IBSP: variants seen among roughly 807,000 people sequenced by gnomAD.
The protein encoded by IBSP is integrin-binding sialoprotein.
Under a neutral mutation model 25.5 loss-of-function variants are expected in IBSP, and 19 were observed. The observed-to-expected ratio is 0.74, with a 90% CI of 0.52 to 1.09. The LOEUF is 1.09. IBSP is among the 50% of genes least tolerant of loss of function. The probability of loss-of-function intolerance (pLI) is 0.00; values close to 1 mark genes in which losing one functional copy is unlikely to be tolerated. For synonymous variants in IBSP, 144 were observed against 137.6 expected, an observed-to-expected ratio of 1.05 and a Z score of -0.33; for missense variants, 360 against 382.3, an observed-to-expected ratio of 0.94 and a Z score of 0.49.
intron 1 of IBSP, among the ~76,000 whole-genome samples, chr4:87,801,481 T>TACACAC (rs34524230): frequency 7.6e-5 from 10 of 132,356 alleles, no homozygotes; most frequent in South Asian, 5.4e-4. Flanking sequence ...CACCCACCCA[T>TACACAC]ACACACACAC....
rs1722187672 is a variant in IBSP at position 87,812,085 on chromosome 4, T to A, written c.*175T>A. ...AAGTAATAGGCTTCTTGTCCCTTTT[T>A]TTTCTGGCATGTTATGGAATGATCA... On this transcript the variant is annotated 3_prime_UTR_variant, in exon 7 of 7. Coordinates refer to ENST00000226284, the MANE Select transcript of IBSP (RefSeq NM_004967.4). 1 of 506,268 alleles carries A rather than the reference T, an allele frequency of 2.0e-6. No individual in the cohort carries two copies. The highest frequency in any genetic ancestry group is 2.0e-5 in the African/African-American group (1 of 50,486). The allele number at this position is 506,268 out of a possible 1,614,324, so 31.4% of individuals were successfully genotyped here. A position where few individuals can be genotyped will look rare whatever the true frequency, so the allele number is the denominator to read the frequency against.
chr4:87,805,467 C>T (rs1411946856), intron 4 of IBSP, among the ~76,000 whole-genome samples: 1 of 152,022 alleles, frequency 6.6e-6, no homozygotes, highest in African/African-American at 2.4e-5. Context: ...TATAAATTAA[C>T]CTCATTTTAG....
chr4:87,800,611 T>C, intron 1 of IBSP, among the ~76,000 whole-genome samples: 1 of 152,106 alleles, frequency 6.6e-6, no homozygotes, highest in East Asian at 1.9e-4. Context: ...GCCTGTTTAT[T>C]CCCAAGGGGC....
Position 87,802,663 on chromosome 4 carries a change from T to C in IBSP, c.115T>C (p.Tyr39His). The part of the protein sequence containing the change: ...EDSEENGVFK[Y>H]RPRYYLYKHA... ...TATTTTGTTTTTGCAGGTCTTTAAG[T>C]ACAGGCCACGATATTATCTTTACAA... Residue 39 changes from tyrosine to histidine, a missense_variant, in exon 4 of 7, where the codon TAC becomes CAC. Physicochemically the swap from Tyr to His is moderately conservative, Grantham distance 83. Coordinates refer to ENST00000226284, the MANE Select transcript of IBSP (RefSeq NM_004967.4). 6.3e-7 allele frequency: 1 copy of C among 1,575,716 alleles called. No individual in the cohort carries two copies. Among genetic ancestry groups the C allele is most frequent in the South Asian group, 1.2e-5 (1 of 83,190 alleles).
At chr4:87,806,230 A>G (rs1306962036) in intron 5 of IBSP, 46 bp downstream of exon 5, 1 of 1,458,878 alleles carries the variant, frequency 6.9e-7, no homozygotes, top group Admixed American at 1.7e-5. Context: ...ACAGCACAAG[A>G]AACAAATAGG....
intron 1 of IBSP, among the ~76,000 whole-genome samples, chr4:87,801,638 G>C (rs982484814): frequency 6.6e-6 from 1 of 151,930 alleles, no homozygotes; most frequent in Non-Finnish European, 1.5e-5. Context: ...CCGCCTATAG[G>C]GTATCAGTGA....
chr4:87,805,933 TCTC>T (rs561509656), intron 4 of IBSP, among the ~76,000 whole-genome samples, 186 bp from the exon 5 acceptor site: 8 of 152,340 alleles, frequency 5.3e-5, no homozygotes, highest in African/African-American at 1.4e-4. Flanking sequence ...GCATGTCTAA[TCTC>T]CTATCTTTCT....
rs1721983654 is a variant in IBSP at position 87,799,648 on chromosome 4, A to T, written c.-15+15A>T. 1 of 152,198 alleles carries T rather than the reference A, an allele frequency of 6.6e-6. No homozygotes were observed. Among genetic ancestry groups the T allele is most frequent in the Admixed American group, 6.5e-5 (1 of 15,272 alleles). The allele number at this position is 152,198 out of a possible 1,614,324, so 9.4% of individuals were successfully genotyped here. A position where few individuals can be genotyped will look rare whatever the true frequency, so the allele number is the denominator to read the frequency against. On this transcript the variant is annotated intron_variant, in intron 1 of 6. Transcript: ENST00000226284. ...ACTGCCAGAGGGTAAGATTTAATAG[A>T]ACAACTTCATTATCATAAAATTAGA...
At chr4:87,801,084 C>T (rs1172425183) in intron 1 of IBSP, among the ~76,000 whole-genome samples, 2 of 152,060 alleles carry the variant, frequency 1.3e-5, no homozygotes, top group African/African-American at 4.8e-5. Context: ...ATTTCACTAT[C>T]TCCTTTTACT....
chr4:87,811,643 C>G lies in IBSP; in HGVS notation c.687C>G (p.Thr229=). ...RQGKGTSKTT[T]SPNGGFEPTT... Reference sequence around the variant, plus strand: ...GCAAGGGCACCTCGAAGACAACAACCTCTCCAAATGGTGGGTTTGAACCTA... The same window carrying G: ...GCAAGGGCACCTCGAAGACAACAACGTCTCCAAATGGTGGGTTTGAACCTA... Residue 229 remains threonine (T), a synonymous_variant, in exon 7 of 7, where the codon ACC becomes ACG. Coordinates refer to ENST00000226284, the MANE Select transcript of IBSP (RefSeq NM_004967.4). 2 of 1,613,866 alleles carry G rather than the reference C, an allele frequency of 1.2e-6. No homozygotes were observed. The highest frequency in any genetic ancestry group is 8.5e-7 in the Non-Finnish European group (1 of 1,179,966).
intron 5 of IBSP, among the ~76,000 whole-genome samples, chr4:87,808,779 T>C (rs774419207): frequency 6.6e-6 from 1 of 152,224 alleles, no homozygotes; most frequent in Non-Finnish European, 1.5e-5. Flanking sequence ...TGTTCTGTAG[T>C]TGTAGATCAT....
chr4:87,811,608 G>C lies in IBSP; in HGVS notation c.652G>C (p.Gly218Arg), dbSNP rs746206406. ...CAATGCAGAAGACACCACAGAGACCGGAAGGCAGGGCAAGGGCACCTCGAA... is the reference window on the plus strand; with the variant it reads ...CAATGCAGAAGACACCACAGAGACCCGAAGGCAGGGCAAGGGCACCTCGAA... ...GANAEDTTET[G>R]RQGKGTSKTT... The change falls in exon 7 of 7, where the codon GGA becomes CGA. Residue 218 changes from glycine (G) to arginine (R), a missense_variant. Coordinates refer to ENST00000226284, the MANE Select transcript of IBSP (RefSeq NM_004967.4). 4.7e-5 allele frequency: 76 copies of C among 1,613,688 alleles called. No individual in the cohort carries two copies. The Admixed American group carries it at 1.3e-3, about 27-fold the overall frequency.
At chr4:87,810,347 T>G (rs1045620296) in intron 5 of IBSP, among the ~76,000 whole-genome samples, 3 of 152,228 alleles carry the variant, frequency 2.0e-5, no homozygotes, top group Non-Finnish European at 4.4e-5. Flanking sequence ...ACACAAGTAT[T>G]TTTTAATTGA....
chr4:87,802,196 T>C (rs1192795376), intron 1 of IBSP, among the ~76,000 whole-genome samples, 152 bp from the exon 2 acceptor site: 1 of 152,242 alleles, frequency 6.6e-6, no homozygotes, highest in African/African-American at 2.4e-5. Flanking sequence ...AGGAATAATT[T>C]GAAAATAAAA....
At chr4:87,811,261 G>T in intron 6 of IBSP, 101 bp from the exon 7 acceptor site, 1 of 1,317,860 alleles carries the variant, frequency 7.6e-7, no homozygotes, top group Non-Finnish European at 1.0e-6. Flanking sequence ...CAAATAAGAC[G>T]CCTAGAATAA....
At chr4:87,805,132 C>T (rs1320684493) in intron 4 of IBSP, among the ~76,000 whole-genome samples, 6 of 152,120 alleles carry the variant, frequency 3.9e-5, no homozygotes, top group Non-Finnish European at 8.8e-5. Context: ...GACAGTCCCA[C>T]AGGACCTGGA....
At chr4:87,804,750 C>CA (rs930985721) in intron 4 of IBSP, among the ~76,000 whole-genome samples, 14 of 152,146 alleles carry the variant, frequency 9.2e-5, no homozygotes, top group Admixed American at 7.9e-4. Flanking sequence ...GCCAAAGCTT[C>CA]AAGGCATTTC....
In IBSP at chr4:87,810,813, A is replaced by G. The variant is rs200889316; in HGVS notation, c.405+49A>G. On this transcript the variant is annotated intron_variant, in intron 6 of 6. Coordinates refer to ENST00000226284, the MANE Select transcript of IBSP (RefSeq NM_004967.4). ...AAATGAAATTATTACCATTAATAAT[A>G]ATGGTAATGTTCAATCTTTTTTAAA... is the stretch of plus-strand genomic sequence containing the variant. The G allele has an allele frequency of 8.1e-5, 124 of 1,534,628 alleles. 1 individual carries two copies. In the East Asian group the frequency reaches 2.8e-3, roughly 34 times the overall value.
Position 87,811,807 on chromosome 4 carries a change from A to C in IBSP, c.851A>C (p.Glu284Ala). The C allele has an allele frequency of 6.2e-7, 1 of 1,612,782 alleles. No individual in the cohort carries two copies. Among genetic ancestry groups the C allele is most frequent in the Non-Finnish European group, 8.5e-7 (1 of 1,179,356 alleles). ...GYEIYESENG[E>A]PRGDNYRAYE... Reference sequence around the variant, plus strand: ...GAAATCTATGAAAGTGAGAACGGGGAACCTCGTGGGGACAATTACCGAGCC... The same window carrying C: ...GAAATCTATGAAAGTGAGAACGGGGCACCTCGTGGGGACAATTACCGAGCC... Residue 284 changes from glutamate to alanine, a missense_variant, in exon 7 of 7, where the codon GAA (glutamate) becomes GCA (alanine). Coordinates refer to ENST00000226284, the MANE Select transcript of IBSP (RefSeq NM_004967.4).
Sources: gnomAD v4.1 joint callset for allele counts (sites outside exome capture counted in the v4.1 genomes callset) on GRCh38, gnomAD v4.1.1 for gene constraint, MANE v1.5 for transcripts, NCBI Gene and HGNC (gene_info 2026-07-23, HGNC 2026-07-21) for gene names.